DLG5: variants seen among roughly 807,000 people sequenced by gnomAD.
DLG5 encodes the protein discs large MAGUK scaffold protein 5, also known as disks large homolog 5.
A neutral mutation model predicts 189.8 loss-of-function variants in DLG5; 48 were observed. That is an observed-to-expected ratio of 0.25 (90% CI 0.20 to 0.32). The LOEUF (loss-of-function observed/expected upper bound fraction) is 0.32. DLG5 is among the 10% of genes least tolerant of loss of function. DLG5 has a pLI of 1.00. For missense variants in DLG5, 2,160 were observed against 2,544.7 expected (o/e 0.85, Z 3.25); for synonymous variants, 1,016 against 1,054.1 (o/e 0.96, Z 0.70).
chr10:77,836,749 A>G (rs1324130808), intron 7 of DLG5, among the ~76,000 whole-genome samples: 1 of 152,174 alleles, frequency 6.6e-6, no homozygotes, highest in East Asian at 1.9e-4. Flanking sequence ...AAGGACCATC[A>G]AAACTCGAGG....
intron 5 of DLG5, 137 bp downstream of exon 5, chr10:77,853,217 C>T: frequency 1.4e-6 from 1 of 730,194 alleles, no homozygotes; most frequent in Non-Finnish European, 1.9e-6. Context: ...AATCTCTCAC[C>T]TTGGTCTTCC....
chr10:77,889,096 AG>A (rs1845530710), intron 1 of DLG5, among the ~76,000 whole-genome samples: 2 of 139,922 alleles, frequency 1.4e-5, no homozygotes, highest in Admixed American at 7.0e-5. Context: ...GTAACCTCCC[AG>A]GCCTCACAAG....
rs140247207 is a variant in DLG5 at position 77,902,950 on chromosome 10, C to T, written c.304+23267G>A. 2.5e-3 allele frequency among the ~76,000 whole-genome samples: 379 copies of T among 151,664 alleles called. 3 individuals carry two copies. The highest frequency in any genetic ancestry group is 8.6e-3 in the African/African-American group (354 of 41,368). On this transcript the variant is annotated intron_variant, in intron 1 of 31. Coordinates refer to ENST00000372391, the MANE Select transcript of DLG5 (RefSeq NM_004747.4). ...CATTCTGGGCGACAGAGCGAGACTC[C>T]GTCTCAAAAAATAAATAAATAAATA...
the DLG5 span, among the ~76,000 whole-genome samples, chr10:77,937,256 TC>T: frequency 6.6e-6 from 1 of 152,244 alleles, no homozygotes; most frequent in South Asian, 2.1e-4. Context: ...CACTTCTGCC[TC>T]CTCTTTGCCT....
intron 26 of DLG5, among the ~76,000 whole-genome samples, chr10:77,806,534 A>G (rs1841480872): frequency 6.6e-6 from 1 of 152,234 alleles, no homozygotes; most frequent in Non-Finnish European, 1.5e-5. Flanking sequence ...AAAACACGTT[A>G]TGCCTTCTGA....
chr10:77,939,172 C>T, the DLG5 span, among the ~76,000 whole-genome samples: 1 of 152,156 alleles, frequency 6.6e-6, no homozygotes, highest in East Asian at 1.9e-4. Context: ...AAGAGTGAAA[C>T]TCCGTCTCAA....
At chr10:77,873,203 G>A (rs569863391) in intron 1 of DLG5, among the ~76,000 whole-genome samples, 61 of 152,118 alleles carry the variant, frequency 4.0e-4, no homozygotes, top group Non-Finnish European at 7.8e-4. Context: ...GGGCCAGAGC[G>A]TGATATAAGG....
intron 1 of DLG5, among the ~76,000 whole-genome samples, chr10:77,909,783 C>T (rs1396875198): frequency 6.6e-6 from 1 of 152,138 alleles, no homozygotes; most frequent in Non-Finnish European, 1.5e-5. Flanking sequence ...TCAAAACCAG[C>T]ACATTTTGGT....
chr10:77,856,650 T>A, intron 3 of DLG5, 80 bp downstream of exon 3: 1 of 1,532,870 alleles, frequency 6.5e-7, no homozygotes, highest in South Asian at 1.2e-5. Flanking sequence ...GAGCCAGGGG[T>A]GTTTGGGGGT....
At chr10:77,861,276 C>T (rs1844458772) in intron 2 of DLG5, among the ~76,000 whole-genome samples, 1 of 152,218 alleles carries the variant, frequency 6.6e-6, no homozygotes, top group African/African-American at 2.4e-5. Context: ...TTCAGAATGG[C>T]TATTCTATGC....
intron 1 of DLG5, among the ~76,000 whole-genome samples, chr10:77,925,022 T>C (rs1846645058): frequency 6.6e-6 from 1 of 152,162 alleles, no homozygotes; most frequent in African/African-American, 2.4e-5. Context: ...CCCTCTCGGT[T>C]CACTTGTTTT....
chr10:77,813,217 A>G (rs1336996330), intron 20 of DLG5, among the ~76,000 whole-genome samples: 1 of 152,202 alleles, frequency 6.6e-6, no homozygotes, highest in East Asian at 1.9e-4. Flanking sequence ...AGGTATGGAC[A>G]CCTGAGATTT....
chr10:77,828,273 G>A (rs1842735175), intron 13 of DLG5, among the ~76,000 whole-genome samples: 1 of 152,018 alleles, frequency 6.6e-6, no homozygotes, highest in Admixed American at 6.5e-5. Flanking sequence ...ATCACCTGAG[G>A]TCAGGAGTTC....
intron 2 of DLG5, among the ~76,000 whole-genome samples, chr10:77,866,022 A>G (rs1448254134): frequency 6.6e-6 from 1 of 152,184 alleles, no homozygotes; most frequent in Non-Finnish European, 1.5e-5. Flanking sequence ...TGTTTTTATT[A>G]TAAGGATCTT....
At chr10:77,858,013 C>A (rs895027897) in intron 2 of DLG5, among the ~76,000 whole-genome samples, 3 of 152,286 alleles carry the variant, frequency 2.0e-5, no homozygotes, top group Non-Finnish European at 4.4e-5. Flanking sequence ...CCAAGAGTCC[C>A]CCAACCCAAG....
chr10:77,905,170 A>G (rs1846038273), intron 1 of DLG5, among the ~76,000 whole-genome samples: 1 of 150,910 alleles, frequency 6.6e-6, no homozygotes. Flanking sequence ...TGTCATTTTT[A>G]AAAATATTTT....
In DLG5 at chr10:77,821,315, G is replaced by A. The variant is rs1265759242; in HGVS notation, c.3169C>T (p.Pro1057Ser). ...GGTGATGCGTGCATGGGCTCCCCGG[G>A]GTCCACGTCAGGGGGCAGGGCGCTC... Reference protein sequence around the residue: ...PPSALPPDVDPGEPMHASPPR... With the variant: ...PPSALPPDVDSGEPMHASPPR... Residue 1057 changes from proline to serine, a missense_variant, in exon 15 of 32, where the codon CCC (proline) becomes TCC (serine). Physicochemically the swap from Pro to Ser is moderately conservative, Grantham distance 74 (BLOSUM62 -1). Around this residue, in one of 5 missense-constraint regions of DLG5, gnomAD observed 754 missense variants for 746.5 expected, o/e 1.01. Transcript: ENST00000372391. The A allele has an allele frequency of 1.2e-6, 2 of 1,613,280 alleles. No homozygotes were observed. Among genetic ancestry groups the A allele is most frequent in the African/African-American group, 1.3e-5 (1 of 74,904 alleles).
At chr10:77,823,361 T>A (rs1842459959) in intron 14 of DLG5, among the ~76,000 whole-genome samples, 2 of 152,222 alleles carry the variant, frequency 1.3e-5, no homozygotes, top group Admixed American at 1.3e-4. Flanking sequence ...GCCTATTTTT[T>A]CTAACTTCCT....
Position 77,816,647 on chromosome 10 carries a change from T to A in DLG5, c.3929A>T (p.Asp1310Val), listed in dbSNP as rs1381202347. 1.9e-6 allele frequency: 3 copies of A among 1,613,910 alleles called. No homozygotes were observed. The highest frequency in any genetic ancestry group is 2.5e-6 in the Non-Finnish European group (3 of 1,179,986). The change falls in exon 20 of 32, where the codon GAC becomes GTC. Residue 1310 changes from aspartate to valine, a missense_variant. This residue lies in a region of DLG5 where 754 missense variants were observed against 746.5 expected (regional missense o/e 1.01). Transcript: ENST00000372391. ...GGACTGGCTACAAGAGGACAGGGTGTCGATGTTCAGGGGTGACTGTGGAGG... is the reference window on the plus strand; with the variant it reads ...GGACTGGCTACAAGAGGACAGGGTGACGATGTTCAGGGGTGACTGTGGAGG... The part of the protein sequence containing the change: ...STPPQSPLNI[D>V]TLSSCSQSQT...
Sources: allele counts gnomAD v4.1 joint callset (sites outside exome capture counted in the v4.1 genomes callset), GRCh38; gene constraint gnomAD v4.1.1; regional missense constraint gnomAD v4.1.1; transcripts MANE v1.5; gene names NCBI Gene and HGNC (gene_info 2026-07-23, HGNC 2026-07-21).